The following EVI5 variants were observed in gnomAD, a reference collection of about 807,000 sequenced individuals.
The protein encoded by EVI5 is ecotropic viral integration site 5 protein homolog.
In EVI5, 73 loss-of-function variants were observed where a neutral mutation model predicts 112.0. The ratio of observed to expected loss-of-function variants is 0.65; its 90% CI spans 0.54 to 0.79. The LOEUF is 0.79. Ranked by LOEUF, EVI5 falls within the 30% of genes least tolerant of loss-of-function variation. The probability of loss-of-function intolerance (pLI) is 0.00; values close to 1 mark genes in which losing one functional copy is unlikely to be tolerated. For synonymous variants in EVI5, 305 were observed against 319.9 expected (o/e 0.95, Z 0.50); for missense variants, 900 against 968.8 (o/e 0.93, Z 0.94).
intron 1 of EVI5, among the ~76,000 whole-genome samples, chr1:92,741,459 C>G (rs1364543248): frequency 6.6e-6 from 1 of 152,154 alleles, no homozygotes; most frequent in Non-Finnish European, 1.5e-5. Flanking sequence ...TTTCTTGAAT[C>G]AGACTAATTC....
chr1:92,614,946 T>C lies in EVI5; in HGVS notation c.1828-7219A>G, dbSNP rs188450028. 1.6e-4 allele frequency among the ~76,000 whole-genome samples: 24 copies of C among 150,418 alleles called. 1 individual carries two copies. The East Asian group carries it at 4.1e-3, about 26-fold the overall frequency. ...TCCCTCTAGAGAACCCTGACTAATA[T>C]AGATTTTGGTACCAGGAGTGGTTCT... On this transcript the variant is annotated intron_variant, in intron 16 of 19. Transcript: ENST00000684568.
At chr1:92,676,623 T>A (rs1351876763) in intron 10 of EVI5, among the ~76,000 whole-genome samples, 2 of 152,196 alleles carry the variant, frequency 1.3e-5, no homozygotes, top group African/African-American at 4.8e-5. Context: ...TTTATATTTT[T>A]AGGGTACATA....
chr1:92,760,402 C>T (rs1275207534), intron 1 of EVI5, among the ~76,000 whole-genome samples: 3 of 152,040 alleles, frequency 2.0e-5, no homozygotes, highest in East Asian at 1.9e-4. Context: ...TCCCTAATGA[C>T]GAGCACAGCA....
At chr1:92,527,517 G>A (rs1343615090) in intron 19 of EVI5, among the ~76,000 whole-genome samples, 1 of 151,634 alleles carries the variant, frequency 6.6e-6, no homozygotes, top group African/African-American at 2.4e-5. Flanking sequence ...AAAATGTACA[G>A]ATTTTATGTG....
chr1:92,581,704 A>AAC lies in EVI5; in HGVS notation c.2071-17968_2071-17967insGT, dbSNP rs376622848. ...GGCAAGTTTTTGCTTAAAAAAAAAA[A>AAC]AACTATTTACTATTTTGTTAGATAG... On this transcript the variant is annotated intron_variant, in intron 18 of 19. Transcript: ENST00000684568. 7.2e-4 allele frequency among the ~76,000 whole-genome samples: 109 copies of AAC among 151,930 alleles called. 1 individual carries two copies. Among genetic ancestry groups the AAC allele is most frequent in the African/African-American group, 2.5e-3 (104 of 41,290 alleles).
intron 14 of EVI5, among the ~76,000 whole-genome samples, chr1:92,628,603 T>C (rs754535801): frequency 6.6e-6 from 1 of 152,110 alleles, no homozygotes; most frequent in Non-Finnish European, 1.5e-5. Flanking sequence ...TCCCACCATA[T>C]TAAAAGATAA....
intron 19 of EVI5, among the ~76,000 whole-genome samples, chr1:92,548,294 A>G (rs1448941189): frequency 1.3e-5 from 2 of 152,226 alleles, no homozygotes; most frequent in African/African-American, 2.4e-5. Context: ...ACAAAATTCA[A>G]CAGCCCTTCA....
chr1:92,781,417 G>A (rs1684845340), intron 1 of EVI5, among the ~76,000 whole-genome samples: 1 of 151,984 alleles, frequency 6.6e-6, no homozygotes, highest in Non-Finnish European at 1.5e-5. Flanking sequence ...GGAGGCTGAG[G>A]TGGGAGGAAT....
chr1:92,633,816 T>G (rs878992981), intron 14 of EVI5, among the ~76,000 whole-genome samples: 1 of 152,214 alleles, frequency 6.6e-6, no homozygotes, highest in Non-Finnish European at 1.5e-5. Flanking sequence ...CAGTGGCTGG[T>G]ACCAGCTGTT....
intron 18 of EVI5, among the ~76,000 whole-genome samples, chr1:92,577,417 GT>G (rs1671248044): frequency 6.6e-6 from 1 of 152,236 alleles, no homozygotes; most frequent in South Asian, 2.1e-4. Context: ...CAGGGCAGAA[GT>G]CCAGGAAATC....
intron 19 of EVI5, among the ~76,000 whole-genome samples, chr1:92,555,879 G>T (rs1483635772): frequency 2.0e-5 from 3 of 146,554 alleles, no homozygotes; most frequent in African/African-American, 5.0e-5. Context: ...GAATAAGCAT[G>T]AAGTTAAATA....
intron 16 of EVI5, 89 bp from the exon 17 acceptor site, chr1:92,607,816 A>T: frequency 7.6e-6 from 6 of 794,428 alleles, no homozygotes; most frequent in Non-Finnish European, 9.6e-6. Flanking sequence ...CCATAACATT[A>T]TTAAAAATGT....
At chr1:92,647,706 G>C in intron 13 of EVI5, 1 of 255,904 alleles carries the variant, frequency 3.9e-6, no homozygotes, top group South Asian at 6.4e-5. Flanking sequence ...GGGGCAGGAA[G>C]GGTGCTTGGA....
intron 14 of EVI5, among the ~76,000 whole-genome samples, chr1:92,634,365 ACTTTTTTCGTTTCTTTTTATT>A (rs1458235804): frequency 6.6e-6 from 1 of 151,950 alleles, no homozygotes; most frequent in Admixed American, 6.6e-5. Flanking sequence ...TTTCTTGGAG[ACTTTTTTCGTTTCTTTTTATT>A]CTTTTTTCTC....
intron 15 of EVI5, 68 bp from the exon 16 acceptor site, chr1:92,624,402 C>G (rs112647994): frequency 7.6e-7 from 1 of 1,314,312 alleles, no homozygotes; most frequent in East Asian, 2.3e-5. Flanking sequence ...TATTACTGAG[C>G]GCTTATTTCA....
chr1:92,637,890 A>G (rs1351817592), intron 13 of EVI5, among the ~76,000 whole-genome samples: 1 of 152,204 alleles, frequency 6.6e-6, no homozygotes, highest in African/African-American at 2.4e-5. Context: ...TATTTCTTCT[A>G]GTAATTTTGA....
At chr1:92,641,229 TG>T (rs1286254300) in intron 13 of EVI5, among the ~76,000 whole-genome samples, 1 of 152,220 alleles carries the variant, frequency 6.6e-6, no homozygotes, top group Non-Finnish European at 1.5e-5. Context: ...ATTTTTAAAA[TG>T]TTTATCTCTA....
chr1:92,709,742 A>G (rs956035146), intron 2 of EVI5, among the ~76,000 whole-genome samples: 18 of 152,206 alleles, frequency 1.2e-4, no homozygotes, highest in African/African-American at 4.1e-4. Context: ...ATGTAGAAAA[A>G]TAATTTACGT....
rs34573809 is a variant in EVI5 at position 92,619,445 on chromosome 1, C to CATATAT, written c.1827+4725_1827+4730dup. 2.3e-3 allele frequency among the ~76,000 whole-genome samples: 338 copies of CATATAT among 146,888 alleles called. 1 individual carries two copies. The highest frequency in any genetic ancestry group is 7.4e-3 in the South Asian group (34 of 4,588). ...TAAGTTAATACTTGAAATAAACTCC[C>CATATAT]ATATATATATATATATATATCCTAT... On this transcript the variant is annotated intron_variant, in intron 16 of 19. Coordinates refer to ENST00000684568, the MANE Select transcript of EVI5 (RefSeq NM_001350197.2).
Sources: gnomAD v4.1 joint callset for allele counts (sites outside exome capture counted in the v4.1 genomes callset) on GRCh38, gnomAD v4.1.1 for gene constraint, MANE v1.5 for transcripts, NCBI Gene and HGNC (gene_info 2026-07-23, HGNC 2026-07-21) for gene names.